Variants in NKAIN2 observed in about 807,000 individuals in gnomAD.
NKAIN2 encodes sodium/potassium-transporting ATPase subunit beta-1-interacting protein 2.
A neutral mutation model predicts 32.6 loss-of-function variants in NKAIN2; 14 were observed. That is an observed-to-expected ratio of 0.43 (90% CI 0.28 to 0.67). The LOEUF (loss-of-function observed/expected upper bound fraction) is 0.67. Among genes scored for constraint, NKAIN2 ranks in the 30% least tolerant of loss-of-function variants. NKAIN2 has a pLI of 0.17. For missense variants in NKAIN2, 198 were observed against 258.3 expected (o/e 0.77, Z 1.60); for synonymous variants, 80 against 87.2 (o/e 0.92, Z 0.46).
At chr6:124,093,180 A>T (rs1051412745) in intron 1 of NKAIN2, among the ~76,000 whole-genome samples, 1 of 152,078 alleles carries the variant, frequency 6.6e-6, no homozygotes, top group South Asian at 2.1e-4. Flanking sequence ...GTATATATCT[A>T]TGGGGAAGAC....
chr6:123,998,781 AATAT>A (rs937856433), intron 1 of NKAIN2, among the ~76,000 whole-genome samples: 37 of 142,116 alleles, frequency 2.6e-4, no homozygotes, highest in African/African-American at 9.2e-4. Context: ...GTGTGTGGAA[AATAT>A]ATATATATAG....
chr6:124,616,210 T>C (rs1404200020), intron 3 of NKAIN2, among the ~76,000 whole-genome samples: 1 of 152,056 alleles, frequency 6.6e-6, no homozygotes, highest in African/African-American at 2.4e-5. Context: ...CTTGTAAGTG[T>C]CATCTCCTCC....
rs147183293 is a variant in NKAIN2, at chr6:124,348,246, C to A, written c.193-7021C>A. 4.6e-4 allele frequency among the ~76,000 whole-genome samples: 70 copies of A among 152,142 alleles called. 3 individuals carry two copies. In the East Asian group the frequency reaches 0.013, roughly 29 times the overall value. On this transcript the variant is annotated intron_variant, in intron 2 of 6. Transcript: ENST00000368417. The stretch of plus-strand genomic sequence containing the variant: ...TGTGTGAGGTGTCAGTCTGCCCCCA[C>A]TGGGGGGTGCCTCTCAGGCTGCTCG...
In NKAIN2 at chr6:124,406,012, C is replaced by T. The variant is rs933258404; in HGVS notation, c.273+50665C>T. 1.0e-4 allele frequency among the ~76,000 whole-genome samples: 9 copies of T among 86,848 alleles called. No individual in the cohort carries two copies. In the South Asian group the frequency reaches 1.2e-3, roughly 11 times the overall value. The allele number at this position is 86,848 out of a possible 152,430, so 57.0% of individuals were successfully genotyped here. ...TTACCCAATTCATTCATTACCACCA[C>T]GGTGTGTGTGTGTGTGTGTGTGTAA... On this transcript the variant is annotated intron_variant, in intron 3 of 6. Transcript: ENST00000368417.
At chr6:124,366,429 A>G (rs1799519787) in intron 3 of NKAIN2, among the ~76,000 whole-genome samples, 1 of 151,922 alleles carries the variant, frequency 6.6e-6, no homozygotes, top group African/African-American at 2.4e-5. Flanking sequence ...AAATTGCATC[A>G]TTAATCAAAA....
chr6:124,649,391 A>G (rs1454891367), intron 3 of NKAIN2, among the ~76,000 whole-genome samples: 1 of 152,214 alleles, frequency 6.6e-6, no homozygotes, highest in Admixed American at 6.5e-5. Context: ...ACAATTTTTG[A>G]AAGATGCAGT....
At chr6:124,473,529 G>T (rs1583303629) in intron 3 of NKAIN2, among the ~76,000 whole-genome samples, 1 of 152,068 alleles carries the variant, frequency 6.6e-6, no homozygotes, top group Admixed American at 6.6e-5. Flanking sequence ...TGTAGGCAAA[G>T]TCTTACAAAA....
chr6:124,015,933 C>T (rs1780549944), intron 1 of NKAIN2, among the ~76,000 whole-genome samples: 1 of 152,162 alleles, frequency 6.6e-6, no homozygotes, highest in Non-Finnish European at 1.5e-5. Context: ...ATACATCTGC[C>T]ACCCACTCTC....
chr6:124,463,296 T>C (rs566215180), intron 3 of NKAIN2, among the ~76,000 whole-genome samples: 1 of 152,226 alleles, frequency 6.6e-6, no homozygotes, highest in African/African-American at 2.4e-5. Flanking sequence ...TACTTTAAAA[T>C]GTTTGCACTC....
chr6:123,907,365 G>T (rs538449795), intron 1 of NKAIN2, among the ~76,000 whole-genome samples: 1 of 152,114 alleles, frequency 6.6e-6, no homozygotes, highest in East Asian at 1.9e-4. Flanking sequence ...TCTAACATTT[G>T]ATAGCTATAA....
At chr6:124,446,544 C>T (rs1775902473) in intron 3 of NKAIN2, among the ~76,000 whole-genome samples, 1 of 151,878 alleles carries the variant, frequency 6.6e-6, no homozygotes, top group Non-Finnish European at 1.5e-5. Flanking sequence ...GGTTTTGCCA[C>T]ATTGCCCAGG....
At chr6:124,480,633 T>A (rs1413796234) in intron 3 of NKAIN2, among the ~76,000 whole-genome samples, 1 of 151,830 alleles carries the variant, frequency 6.6e-6, no homozygotes, top group Admixed American at 6.6e-5. Flanking sequence ...TATCAGTTTG[T>A]TTTTATTATT....
At chr6:124,678,029 A>G (rs1773444664) in intron 4 of NKAIN2, among the ~76,000 whole-genome samples, 1 of 152,022 alleles carries the variant, frequency 6.6e-6, no homozygotes, top group Non-Finnish European at 1.5e-5. Context: ...CACTTTGAAT[A>G]TATTATCCCA....
chr6:123,811,953 C>T (rs1773494170), intron 1 of NKAIN2, among the ~76,000 whole-genome samples: 1 of 152,082 alleles, frequency 6.6e-6, no homozygotes, highest in Non-Finnish European at 1.5e-5. Context: ...ACAAACAAGT[C>T]AACATTGTTC....
At chr6:124,694,618 G>A (rs1774409395) in intron 4 of NKAIN2, among the ~76,000 whole-genome samples, 1 of 152,202 alleles carries the variant, frequency 6.6e-6, no homozygotes, top group Admixed American at 6.6e-5. Context: ...AGCAGGTAGA[G>A]AGGCAAGAAA....
At chr6:124,181,580 C>T (rs937965078) in intron 1 of NKAIN2, among the ~76,000 whole-genome samples, 8 of 152,154 alleles carry the variant, frequency 5.3e-5, no homozygotes, top group Admixed American at 2.0e-4. Flanking sequence ...GAATGAAAGT[C>T]ACCTCTTGAA....
At chr6:124,566,636 A>T (rs930480397) in intron 3 of NKAIN2, among the ~76,000 whole-genome samples, 1 of 152,174 alleles carries the variant, frequency 6.6e-6, no homozygotes, top group Non-Finnish European at 1.5e-5. Context: ...AGATTTTGGT[A>T]CTCAAAAAGT....
chr6:124,187,035 T>C (rs905376171), intron 1 of NKAIN2, among the ~76,000 whole-genome samples: 1 of 152,226 alleles, frequency 6.6e-6, no homozygotes, highest in African/African-American at 2.4e-5. Context: ...TTTAGAGCAG[T>C]CTGTGGGATT....
chr6:124,616,345 T>A (rs1782886727), intron 3 of NKAIN2, among the ~76,000 whole-genome samples: 1 of 151,738 alleles, frequency 6.6e-6, no homozygotes, highest in Admixed American at 6.6e-5. Context: ...TATGAGAAGC[T>A]GAAATCTATT....
Sources: gnomAD v4.1 joint callset for allele counts (sites outside exome capture counted in the v4.1 genomes callset) on GRCh38, gnomAD v4.1.1 for gene constraint, MANE v1.5 for transcripts, NCBI Gene and HGNC (gene_info 2026-07-23, HGNC 2026-07-21) for gene names.